The following EYA4 variants were observed in gnomAD, a reference collection of about 807,000 sequenced individuals.
EYA4 encodes the protein EYA transcriptional coactivator and phosphatase 4, also known as protein phosphatase EYA4.
In EYA4, 31 loss-of-function variants were observed where a neutral mutation model predicts 87.9. The ratio of observed to expected loss-of-function variants is 0.35; its 90% CI spans 0.27 to 0.48. The LOEUF (loss-of-function observed/expected upper bound fraction) is 0.48. EYA4 is among the 20% of genes least tolerant of loss of function. The probability of loss-of-function intolerance (pLI) is 0.99; values close to 1 mark genes in which losing one functional copy is unlikely to be tolerated. For missense variants in EYA4, 678 were observed against 761.4 expected (o/e 0.89, Z 1.29); for synonymous variants, 263 against 270.6 (o/e 0.97, Z 0.28).
At chr6:133,353,723 G>A (rs2128430243) in intron 2 of EYA4, among the ~76,000 whole-genome samples, 1 of 152,264 alleles carries the variant, frequency 6.6e-6, no homozygotes, top group Non-Finnish European at 1.5e-5. Flanking sequence ...TCTTGAAAGT[G>A]AAAGCTGCAG....
At chr6:133,339,807 A>G (rs867465382) in intron 2 of EYA4, among the ~76,000 whole-genome samples, 51 of 152,306 alleles carry the variant, frequency 3.3e-4, no homozygotes, top group Middle Eastern at 3.4e-3. Flanking sequence ...AAGTCCAGGT[A>G]GGTGTTTATA....
At chr6:133,343,254 T>C (rs1177613993) in intron 2 of EYA4, among the ~76,000 whole-genome samples, 1 of 152,220 alleles carries the variant, frequency 6.6e-6, no homozygotes, top group African/African-American at 2.4e-5. Context: ...AATTCTTGCA[T>C]GTGACTCCTC....
In EYA4 at chr6:133,404,684, A is replaced by C. The variant is rs555894047; in HGVS notation, c.83+22243A>C. On this transcript the variant is annotated intron_variant, in intron 3 of 19. Coordinates refer to ENST00000355286, the MANE Select transcript of EYA4 (RefSeq NM_004100.5). ...GCTTTTTTCTAACACAAAACATTTG[A>C]GACTAGTAACTTCCTATGCATTTAG... 2.6e-5 allele frequency among the ~76,000 whole-genome samples: 4 copies of C among 152,356 alleles called. No individual in the cohort carries two copies. The East Asian group carries it at 7.7e-4, about 29-fold the overall frequency.
intron 3 of EYA4, among the ~76,000 whole-genome samples, chr6:133,383,411 G>A (rs748598496): frequency 4.0e-5 from 6 of 150,902 alleles, no homozygotes; most frequent in Non-Finnish European, 5.9e-5. Context: ...CCAGTTACTC[G>A]GGAGGGTGAG....
At chr6:133,311,941 T>TATCCAC (rs1172218778) in intron 2 of EYA4, among the ~76,000 whole-genome samples, 1 of 152,332 alleles carries the variant, frequency 6.6e-6, no homozygotes, top group African/African-American at 2.4e-5. Context: ...GAATAGATAT[T>TATCCAC]ATCCACGTAA....
intron 2 of EYA4, among the ~76,000 whole-genome samples, chr6:133,275,235 G>A (rs1199524113): frequency 1.3e-5 from 2 of 152,134 alleles, no homozygotes; most frequent in Non-Finnish European, 2.9e-5. Flanking sequence ...GTTCTCAAGC[G>A]CTTTTAGTAT....
At chr6:133,516,439 G>A (rs1308007316) in intron 17 of EYA4, among the ~76,000 whole-genome samples, 2 of 151,948 alleles carry the variant, frequency 1.3e-5, no homozygotes, top group South Asian at 2.1e-4. Flanking sequence ...TGGGTCAGGC[G>A]CAGTGGCTCA....
At chr6:133,419,034 T>C (rs1219913889) in intron 3 of EYA4, among the ~76,000 whole-genome samples, 1 of 152,204 alleles carries the variant, frequency 6.6e-6, no homozygotes, top group Non-Finnish European at 1.5e-5. Flanking sequence ...CTTTCTCTCT[T>C]TTTATAAGGG....
In EYA4 at chr6:133,385,391, CTGTGTGTGTGTG is replaced by C. The variant is rs66881281; in HGVS notation, c.83+2989_83+3000del. On this transcript the variant is annotated intron_variant, in intron 3 of 19. Transcript: ENST00000355286. ...CTCTGTGTGTGTATGTATGCTCTCTCTGTGTGTGTGTGTGTGTGTGTGTGTGTGTGTGTGTGT... is the reference window on the plus strand; with the variant it reads ...CTCTGTGTGTGTATGTATGCTCTCTCTGTGTGTGTGTGTGTGTGTGTGTGT... Among the ~76,000 whole-genome samples, 1,101 of 115,330 alleles carry C rather than the reference CTGTGTGTGTGTG, an allele frequency of 9.5e-3. 11 individuals carry two copies. Among genetic ancestry groups the C allele is most frequent in the African/African-American group, 0.012 (333 of 28,942 alleles). 75.7% of individuals were successfully genotyped at this position (115,330 alleles called of 152,430 possible).
At chr6:133,449,659 C>T (rs1250242737) in intron 5 of EYA4, among the ~76,000 whole-genome samples, 2 of 152,178 alleles carry the variant, frequency 1.3e-5, no homozygotes, top group Admixed American at 1.3e-4. Flanking sequence ...GCTCTCTGAG[C>T]TTCAATTCCT....
intron 10 of EYA4, among the ~76,000 whole-genome samples, chr6:133,466,272 A>T (rs1265317898): frequency 6.6e-6 from 1 of 152,194 alleles, no homozygotes; most frequent in African/African-American, 2.4e-5. Context: ...TGTAAAGGAA[A>T]AGAGCATTTA....
intron 3 of EYA4, among the ~76,000 whole-genome samples, chr6:133,398,193 A>C (rs1476302282): frequency 6.6e-6 from 1 of 152,114 alleles, no homozygotes; most frequent in Non-Finnish European, 1.5e-5. Context: ...AAGAAAGCTT[A>C]TTTTCCATGT....
chr6:133,516,433 T>C (rs937912164), intron 17 of EYA4, among the ~76,000 whole-genome samples: 4 of 151,608 alleles, frequency 2.6e-5, no homozygotes, highest in Non-Finnish European at 4.4e-5. Flanking sequence ...GATTAATGGG[T>C]CAGGCGCAGT....
intron 2 of EYA4, among the ~76,000 whole-genome samples, chr6:133,313,345 G>A (rs1203126909): frequency 1.3e-5 from 2 of 152,306 alleles, no homozygotes; most frequent in East Asian, 1.9e-4. Flanking sequence ...ACATTGCCTG[G>A]AGAAAGTTAG....
intron 3 of EYA4, among the ~76,000 whole-genome samples, chr6:133,424,634 C>A (rs1390251364): frequency 1.3e-5 from 2 of 151,450 alleles, no homozygotes; most frequent in Non-Finnish European, 2.9e-5. Context: ...TCCCACCCTG[C>A]CAACTTGGAA....
At chr6:133,433,655 A>G (rs1562415275) in intron 3 of EYA4, among the ~76,000 whole-genome samples, 1 of 152,186 alleles carries the variant, frequency 6.6e-6, no homozygotes, top group African/African-American at 2.4e-5. Context: ...TGGCTGGCCA[A>G]CATGTTTATT....
chr6:133,377,974 TCACA>T (rs5880179), intron 2 of EYA4, among the ~76,000 whole-genome samples: 129 of 150,600 alleles, frequency 8.6e-4, no homozygotes, highest in African/African-American at 2.7e-3. Flanking sequence ...TATATTATGT[TCACA>T]CACACACACA....
intron 13 of EYA4, among the ~76,000 whole-genome samples, chr6:133,500,802 A>G (rs982614845): frequency 2.6e-5 from 4 of 152,028 alleles, no homozygotes; most frequent in Non-Finnish European, 5.9e-5. Context: ...CTGCTGTCAC[A>G]TTCCTGTCAT....
intron 3 of EYA4, among the ~76,000 whole-genome samples, chr6:133,413,099 T>G (rs1212973392): frequency 6.6e-6 from 1 of 152,220 alleles, no homozygotes; most frequent in Non-Finnish European, 1.5e-5. Context: ...ATACTGGGGA[T>G]AACTATGAAA....
Sources: gnomAD v4.1 joint callset for allele counts (sites outside exome capture counted in the v4.1 genomes callset) on GRCh38, gnomAD v4.1.1 for gene constraint, MANE v1.5 for transcripts, NCBI Gene and HGNC (gene_info 2026-07-23, HGNC 2026-07-21) for gene names.